Variants in AKAP9 observed in about 807,000 individuals in gnomAD.
The protein encoded by AKAP9 is A-kinase anchor protein 9.
AKAP9 carries 311 observed loss-of-function variants against 488.5 expected under a neutral mutation model. That is an observed-to-expected ratio of 0.64 (90% CI 0.58 to 0.70). The LOEUF (loss-of-function observed/expected upper bound fraction) is 0.70. Among genes scored for constraint, AKAP9 ranks in the 30% least tolerant of loss-of-function variants. The pLI, the probability that AKAP9 is intolerant of heterozygous loss-of-function variation, is 0.00. For missense variants in AKAP9, 4,215 were observed against 4,374.5 expected (o/e 0.96, Z 1.03); for synonymous variants, 1,462 against 1,483.5 (o/e 0.99, Z 0.33).
chr7:92,107,339 G>A lies in AKAP9; in HGVS notation c.11463G>A (p.Glu3821=). ...TTTATCATTCTTCTGGTGGGCTGGAGTTATATGGAGAACCAAGACATACTA... is the reference window on the plus strand; with the variant it reads ...TTTATCATTCTTCTGGTGGGCTGGAATTATATGGAGAACCAAGACATACTA... ...DSFYHSSGGL[E]LYGEPRHTTY... is the part of the protein sequence containing the mutation. The change falls in exon 48 of 50, where the codon GAG becomes GAA. Residue 3821 remains glutamate (E), a synonymous_variant. Transcript: ENST00000356239. 3 of 1,613,894 alleles carry A rather than the reference G, an allele frequency of 1.9e-6. No individual in the cohort carries two copies. The highest frequency in any genetic ancestry group is 1.7e-4 in the Middle Eastern group (1 of 6,060).
At chr7:92,031,128 G>A (rs1230461137) in intron 15 of AKAP9, among the ~76,000 whole-genome samples, 1 of 152,064 alleles carries the variant, frequency 6.6e-6, no homozygotes, top group Middle Eastern at 3.2e-3. Context: ...ATACCAAGAA[G>A]AAAACAAAAT....
chr7:91,961,338 C>T (rs1184895315), intron 1 of AKAP9, among the ~76,000 whole-genome samples: 1 of 151,448 alleles, frequency 6.6e-6, no homozygotes, highest in Non-Finnish European at 1.5e-5. Flanking sequence ...ACCAGCACAC[C>T]CAGCTAATTT....
chr7:92,040,807 G>A lies in AKAP9; in HGVS notation c.4826G>A (p.Arg1609Lys), dbSNP rs148146011. 432 of 1,614,004 alleles carry A rather than the reference G, an allele frequency of 2.7e-4. No individual in the cohort carries two copies. In the Middle Eastern group the frequency reaches 3.1e-3, roughly 12 times the overall value. Reference protein sequence around the residue: ...QEHQQATELLRQAHMRQMERQ... With the variant: ...QEHQQATELLKQAHMRQMERQ... ...CATCAACAGGCAACGGAATTGTTAA[G>A]GCAAGCACATATGCGGCAAATGGAG... Residue 1609 changes from arginine to lysine, a missense_variant, in exon 18 of 50, where the codon AGG becomes AAG. Around this residue, in one of 5 missense-constraint regions of AKAP9, gnomAD observed 2,361 missense variants for 2,430.0 expected, o/e 0.97. Coordinates refer to ENST00000356239, the MANE Select transcript of AKAP9 (RefSeq NM_005751.5).
chr7:92,038,436 T>C lies in AKAP9; in HGVS notation c.4356T>C (p.Ser1452=). ...EEVAKVIVSM[S]IAFAQQTELS... ...TTCTTTAGGTTATTGTGTCAATGAG[T>C]ATAGCATTTGCTCAACAAACTGAAC... Residue 1452 remains serine, a synonymous_variant, in exon 17 of 50, where the codon AGT becomes AGC. Coordinates refer to ENST00000356239, the MANE Select transcript of AKAP9 (RefSeq NM_005751.5). 6.2e-7 allele frequency: 1 copy of C among 1,612,950 alleles called. No individual in the cohort carries two copies. Among genetic ancestry groups the C allele is most frequent in the South Asian group, 1.1e-5 (1 of 91,034 alleles).
In AKAP9 at chr7:92,103,387, C is replaced by CAA. The variant is rs898565298; in HGVS notation, c.11330+586_11330+587dup. 2.2e-3 allele frequency among the ~76,000 whole-genome samples: 57 copies of CAA among 25,912 alleles called. 5 individuals are homozygous for CAA. Among genetic ancestry groups the CAA allele is most frequent in the African/African-American group, 9.2e-3 (47 of 5,102 alleles). 17.0% of individuals were successfully genotyped at this position (25,912 alleles called of 152,430 possible). A position where few individuals can be genotyped will look rare whatever the true frequency, so the allele number is the denominator to read the frequency against. On this transcript the variant is annotated intron_variant, in intron 46 of 49. Transcript: ENST00000356239. ...GCCATGTGACAGAGTGAGACTCTGTCAAAAAAAAAAAAAAAAAAAAAAAAA... is the reference window on the plus strand; with the variant it reads ...GCCATGTGACAGAGTGAGACTCTGTCAAAAAAAAAAAAAAAAAAAAAAAAAAA...
chr7:92,012,826 A>C (rs577351587), intron 9 of AKAP9, among the ~76,000 whole-genome samples, 184 bp downstream of exon 9: 97 of 152,332 alleles, frequency 6.4e-4, no homozygotes, highest in Middle Eastern at 3.4e-3. Flanking sequence ...TCCCATAGGA[A>C]GTCACAATCC....
chr7:92,073,426 A>C (rs11972410), intron 28 of AKAP9, among the ~76,000 whole-genome samples: 60,752 of 151,132 alleles, frequency 0.4, 12,571 homozygotes, highest in African/African-American at 0.47. Context: ...GAATGCTGTG[A>C]ACCCGGGAGG....
intron 28 of AKAP9, among the ~76,000 whole-genome samples, chr7:92,075,158 G>A (rs1023719042): frequency 6.6e-6 from 1 of 152,026 alleles, no homozygotes; most frequent in Admixed American, 6.6e-5. Flanking sequence ...GCTCCCACAT[G>A]ATGCCAACTC....
intron 15 of AKAP9, among the ~76,000 whole-genome samples, chr7:92,030,557 G>A (rs1804050737): frequency 6.6e-6 from 1 of 150,614 alleles, no homozygotes; most frequent in African/African-American, 2.5e-5. Context: ...CAGGAGAGTC[G>A]CTTGAACCTG....
At chr7:91,942,892 T>G (rs1790959181) in intron 1 of AKAP9, among the ~76,000 whole-genome samples, 2 of 152,116 alleles carry the variant, frequency 1.3e-5, no homozygotes, top group Non-Finnish European at 2.9e-5. Context: ...CTATGAGACT[T>G]GTAAGGCAAG....
At position 92,107,302 on chromosome 7, in the gene AKAP9, A is replaced by G. The variant is rs773726579; in HGVS notation, c.11426A>G (p.Lys3809Arg). 23 of 1,613,808 alleles carry G rather than the reference A, an allele frequency of 1.4e-5. No individual in the cohort carries two copies. The highest frequency in any genetic ancestry group is 1.9e-5 in the Non-Finnish European group (22 of 1,179,960). ...TTTTGGGTTACTTTAGGTGCAGAAAAGACTGACTCATTTTATCATTCTTCT... is the reference window on the plus strand; with the variant it reads ...TTTTGGGTTACTTTAGGTGCAGAAAGGACTGACTCATTTTATCATTCTTCT... ...DGFGLNQGAE[K>R]TDSFYHSSGG... The change falls in exon 48 of 50, where the codon AAG becomes AGG. Residue 3809 changes from lysine to arginine, a missense_variant. By Grantham distance (26) the Lys-to-Arg change is conservative (BLOSUM62 2). Coordinates refer to ENST00000356239, the MANE Select transcript of AKAP9 (RefSeq NM_005751.5).
chr7:91,944,664 G>A (rs1209927791), intron 1 of AKAP9, among the ~76,000 whole-genome samples: 2 of 152,128 alleles, frequency 1.3e-5, no homozygotes, highest in African/African-American at 4.8e-5. Flanking sequence ...TGGGATTACA[G>A]GCATGAGCCA....
intron 7 of AKAP9, chr7:91,996,075 A>G (rs1798371496): frequency 2.6e-6 from 1 of 384,128 alleles, no homozygotes; most frequent in Non-Finnish European, 4.6e-6. Flanking sequence ...ATTTATAATT[A>G]TTTCCACTTA....
At chr7:92,103,534 T>C (rs1817971768) in intron 46 of AKAP9, among the ~76,000 whole-genome samples, 1 of 147,518 alleles carries the variant, frequency 6.8e-6, no homozygotes. Flanking sequence ...CTGCTAAAAG[T>C]GTACAAAAAA....
chr7:91,957,267 A>G (rs958310390), intron 1 of AKAP9, among the ~76,000 whole-genome samples: 1 of 152,164 alleles, frequency 6.6e-6, no homozygotes, highest in African/African-American at 2.4e-5. Flanking sequence ...TTAACACTTT[A>G]AATAAACAGG....
intron 22 of AKAP9, among the ~76,000 whole-genome samples, chr7:92,053,173 G>T (rs905971019): frequency 6.6e-6 from 1 of 151,942 alleles, no homozygotes; most frequent in Non-Finnish European, 1.5e-5. Flanking sequence ...CTTTTGTTTT[G>T]TTTTGGTTTT....
intron 22 of AKAP9, among the ~76,000 whole-genome samples, chr7:92,060,911 C>A (rs1423067870): frequency 2.6e-5 from 4 of 152,110 alleles, no homozygotes; most frequent in Non-Finnish European, 4.4e-5. Flanking sequence ...ACATAAAATT[C>A]TTTGGCAAAT....
chr7:92,026,192 ATAG>A (rs1803079376), intron 14 of AKAP9, among the ~76,000 whole-genome samples: 1 of 152,222 alleles, frequency 6.6e-6, no homozygotes, highest in African/African-American at 2.4e-5. Context: ...GGGGTTGCAG[ATAG>A]TAGGAGCTTA....
chr7:92,097,905 C>A, intron 42 of AKAP9, 111 bp downstream of exon 42: 2 of 1,088,090 alleles, frequency 1.8e-6, no homozygotes, highest in Non-Finnish European at 2.8e-6. Context: ...AAAGGTAATG[C>A]GTGTTTACAT....
Sources: allele counts gnomAD v4.1 joint callset (sites outside exome capture counted in the v4.1 genomes callset), GRCh38; gene constraint gnomAD v4.1.1; regional missense constraint gnomAD v4.1.1; transcripts MANE v1.5; gene names NCBI Gene and HGNC (gene_info 2026-07-23, HGNC 2026-07-21).